C22orf31: variants seen among roughly 807,000 people sequenced by gnomAD.
The protein encoded by C22orf31 is uncharacterized protein C22orf31.
A neutral mutation model predicts 15.0 loss-of-function variants in C22orf31; 11 were observed. The ratio of observed to expected loss-of-function variants is 0.73; its 90% CI spans 0.46 to 1.21. The LOEUF is 1.21. Ranked by LOEUF, C22orf31 falls within the 50% of genes most tolerant of loss-of-function variation. The pLI, the probability that C22orf31 is intolerant of heterozygous loss-of-function variation, is 0.00. For synonymous variants in C22orf31, 132 were observed against 133.3 expected (o/e 0.99, Z 0.07); for missense variants, 340 against 347.2 (o/e 0.98, Z 0.17).
At chr22:29,063,149 TACTCTGCTAGGTCTTTTACTCAATG>T (rs2037407062), upstream of C22orf31, among the ~76,000 whole-genome samples, 1 of 152,166 alleles carries the variant, frequency 6.6e-6, no homozygotes, top group Non-Finnish European at 1.5e-5. Flanking sequence ...CCGTTAGATT[TACTCTGCTAGGTCTTTTACTCAATG>T]ACTCTGCTTG....
chr22:29,061,289 G>C (rs1013107939), intron 1 of C22orf31, among the ~76,000 whole-genome samples: 1 of 152,100 alleles, frequency 6.6e-6, no homozygotes, highest in African/African-American at 2.4e-5. Context: ...TGGGGGGGAC[G>C]GAGTTTAGCT....
rs1601729496 is a variant in C22orf31, at chr22:29,059,055, A to C, written c.560T>G (p.Val187Gly). ...TCTCTTTTGGGTTTCAGGAAGCAACACTCGGCCCTTCCAGGCTGCTGTCCC... is the reference window on the plus strand; with the variant it reads ...TCTCTTTTGGGTTTCAGGAAGCAACCCTCGGCCCTTCCAGGCTGCTGTCCC... ...DSGTAAWKGR[V>G]LLPETQKRQQ... The change falls in exon 3 of 3, where the codon GTG becomes GGG. Residue 187 changes from valine to glycine, a missense_variant. Val to Gly is a moderately radical substitution (Grantham distance 109). Transcript: ENST00000216071. 2 of 1,614,034 alleles carry C rather than the reference A, an allele frequency of 1.2e-6. No individual in the cohort carries two copies. The highest frequency in any genetic ancestry group is 1.7e-6 in the Non-Finnish European group (2 of 1,179,990).
upstream of C22orf31, among the ~76,000 whole-genome samples, chr22:29,065,731 T>C (rs1445360804): frequency 1.3e-5 from 2 of 152,252 alleles, no homozygotes. Context: ...AAAGTCAGGA[T>C]GGAATGACTA....
the C22orf31 span, among the ~76,000 whole-genome samples, chr22:29,070,436 G>A: frequency 6.6e-6 from 1 of 152,346 alleles, no homozygotes; most frequent in Non-Finnish European, 1.5e-5. Context: ...CTATCACAAG[G>A]CATGGCTGCC....
upstream of C22orf31, among the ~76,000 whole-genome samples, chr22:29,064,336 C>T (rs921303086): frequency 3.9e-5 from 6 of 152,158 alleles, no homozygotes; most frequent in African/African-American, 7.2e-5. Flanking sequence ...CCAGATCCAT[C>T]TTTCATTAGG....
At chr22:29,071,919 A>G in the C22orf31 span, among the ~76,000 whole-genome samples, 1 of 152,154 alleles carries the variant, frequency 6.6e-6, no homozygotes, top group South Asian at 2.1e-4. Context: ...ACTTGCTTCT[A>G]TCTCATCGAA....
rs960906029 is a variant in C22orf31, at chr22:29,058,750, T to A, written c.865A>T (p.Lys289Ter). The A allele has an allele frequency of 4.4e-6, 7 of 1,605,762 alleles. No individual in the cohort carries two copies. Among genetic ancestry groups the A allele is most frequent in the Non-Finnish European group, 5.9e-6 (7 of 1,176,884 alleles). Reference sequence around the variant, plus strand: ...CCCATGAGTTCTTGTTCCTATTTTTTGCTCTTTAACTTGGGCCATTTCTTG... The same window carrying A: ...CCCATGAGTTCTTGTTCCTATTTTTAGCTCTTTAACTTGGGCCATTTCTTG... The part of the protein sequence containing the change: ...VLKKWPKLKS[K>*]K Residue 289 changes from lysine to a stop codon, truncating the protein, a stop_gained, in exon 3 of 3, where the codon AAA becomes TAA. Coordinates refer to ENST00000216071, the MANE Select transcript of C22orf31 (RefSeq NM_015370.2). LOFTEE classifies it high-confidence loss of function.
chr22:29,059,664 C>T (rs1264373412), intron 2 of C22orf31: 2 of 984,382 alleles, frequency 2.0e-6, no homozygotes, highest in Non-Finnish European at 2.4e-6. Context: ...GGCCTGCTGG[C>T]CACCACGGGG....
At chr22:29,059,507 AGCCTTTT>A (rs1425653464) in intron 2 of C22orf31, among the ~76,000 whole-genome samples, 1 of 152,212 alleles carries the variant, frequency 6.6e-6, no homozygotes, top group East Asian at 1.9e-4. Flanking sequence ...TCTGTTCAAA[AGCCTTTT>A]GCATGTATTA....
upstream of C22orf31, among the ~76,000 whole-genome samples, chr22:29,062,611 G>A (rs1260681827): frequency 6.6e-6 from 1 of 152,100 alleles, no homozygotes; most frequent in Admixed American, 6.5e-5. Flanking sequence ...CCTCCTGAGG[G>A]GGAGGCCAGT....
At chr22:29,070,268 T>C in the C22orf31 span, among the ~76,000 whole-genome samples, 49 of 152,178 alleles carry the variant, frequency 3.2e-4, no homozygotes, top group Non-Finnish European at 5.7e-4. Flanking sequence ...TCTTAATAAG[T>C]TTGGACAAAG....
chr22:29,059,890 T>G, intron 2 of C22orf31: 1 of 985,306 alleles, frequency 1.0e-6, no homozygotes, highest in Non-Finnish European at 1.2e-6. Context: ...GAACTAAGCA[T>G]AGTGTAAATG....
chr22:29,059,576 A>G, intron 2 of C22orf31: 1 of 460,804 alleles, frequency 2.2e-6, no homozygotes, highest in Non-Finnish European at 2.9e-6. Flanking sequence ...CCCATTTAAT[A>G]TGATAATATC....
intron 1 of C22orf31, among the ~76,000 whole-genome samples, chr22:29,061,450 G>C (rs1332271961): frequency 6.6e-6 from 1 of 152,060 alleles, no homozygotes; most frequent in Non-Finnish European, 1.5e-5. Context: ...ATTTTTAGTA[G>C]AGACAGGGTT....
chr22:29,069,412 G>T, the C22orf31 span, among the ~76,000 whole-genome samples: 1 of 152,094 alleles, frequency 6.6e-6, no homozygotes, highest in East Asian at 1.9e-4. Flanking sequence ...AACATTGTAG[G>T]TCTCCTGGCT....
the C22orf31 span, among the ~76,000 whole-genome samples, chr22:29,070,245 C>T: frequency 6.6e-6 from 1 of 152,198 alleles, no homozygotes; most frequent in Non-Finnish European, 1.5e-5. Flanking sequence ...CAGCGCCTGG[C>T]CTGTCTTGAA....
the C22orf31 span, among the ~76,000 whole-genome samples, chr22:29,071,968 G>T: frequency 1.3e-5 from 2 of 152,108 alleles, no homozygotes; most frequent in Non-Finnish European, 2.9e-5. Flanking sequence ...TCTGCAAACG[G>T]CTGAGCCTCA....
upstream of C22orf31, among the ~76,000 whole-genome samples, chr22:29,062,078 T>C (rs1431160336): frequency 6.6e-6 from 1 of 152,158 alleles, no homozygotes; most frequent in Non-Finnish European, 1.5e-5. Context: ...TTAAATTATG[T>C]GGGAAGAAGT....
At chr22:29,059,799 C>T in intron 2 of C22orf31, 5 of 985,140 alleles carry the variant, frequency 5.1e-6, no homozygotes, top group South Asian at 9.4e-5. Flanking sequence ...CATGCACTAC[C>T]CATATCCTAG....
Sources: gnomAD v4.1 joint callset for allele counts (sites outside exome capture counted in the v4.1 genomes callset) on GRCh38, gnomAD v4.1.1 for gene constraint, MANE v1.5 for transcripts, NCBI Gene and HGNC (gene_info 2026-07-23, HGNC 2026-07-21) for gene names.